Variants in SGPP1 observed in about 807,000 individuals in gnomAD.
The protein encoded by SGPP1 is sphingosine-1-phosphate phosphatase 1, also known as hSPP1.
A neutral mutation model predicts 33.0 loss-of-function variants in SGPP1; 21 were observed. The ratio of observed to expected loss-of-function variants is 0.64; its 90% CI spans 0.45 to 0.92. The LOEUF is 0.92. Ranked by LOEUF, SGPP1 falls within the 40% of genes least tolerant of loss-of-function variation. The pLI, the probability that SGPP1 is intolerant of heterozygous loss-of-function variation, is 0.00. For missense variants in SGPP1, 543 were observed against 589.4 expected (o/e 0.92, Z 0.81); for synonymous variants, 239 against 241.2 (o/e 0.99, Z 0.08).
chr14:63,695,865 T>C (rs1885177294), intron 2 of SGPP1, among the ~76,000 whole-genome samples: 2 of 152,208 alleles, frequency 1.3e-5, no homozygotes, highest in African/African-American at 4.8e-5. Flanking sequence ...GAGCTATGTT[T>C]GCACCATCAC....
chr14:63,691,066 T>C (rs1218368174), intron 2 of SGPP1, among the ~76,000 whole-genome samples: 3 of 152,242 alleles, frequency 2.0e-5, no homozygotes, highest in Non-Finnish European at 4.4e-5. Flanking sequence ...GTTTGGCTGA[T>C]AGTCTCCTAT....
rs544934010 is a variant in SGPP1 at position 63,693,437 on chromosome 14, T to C, written c.774+5132A>G. 1.2e-4 allele frequency among the ~76,000 whole-genome samples: 18 copies of C among 152,356 alleles called. No homozygotes were observed. The South Asian group carries it at 1.9e-3, about 16-fold the overall frequency. On this transcript the variant is annotated intron_variant, in intron 2 of 2. Coordinates refer to ENST00000247225, the MANE Select transcript of SGPP1 (RefSeq NM_030791.4). ...ATTTCATGAGTGATTTAGAATTTCA[T>C]GTTATATGCTAAAGTGTATATATTC...
intron 1 of SGPP1, among the ~76,000 whole-genome samples, chr14:63,718,003 T>C (rs974583769): frequency 6.6e-5 from 10 of 152,144 alleles, no homozygotes; most frequent in African/African-American, 9.7e-5. Context: ...CCCAACACTT[T>C]AGGAGGCTGA....
intron 1 of SGPP1, among the ~76,000 whole-genome samples, chr14:63,715,686 T>C (rs1885609662): frequency 1.3e-5 from 2 of 152,120 alleles, no homozygotes; most frequent in South Asian, 4.1e-4. Context: ...CCAAAGAGGC[T>C]GTAATTTGCA....
rs1884925678 is a variant in SGPP1 at position 63,684,257 on chromosome 14, A to G, written c.*1848T>C. 6.6e-6 allele frequency: 1 copy of G among 152,170 alleles called. No homozygotes were observed. The highest frequency in any genetic ancestry group is 1.9e-4 in the East Asian group (1 of 5,202). The allele number at this position is 152,170 out of a possible 1,614,324, so 9.4% of individuals were successfully genotyped here. On this transcript the variant is annotated 3_prime_UTR_variant, in exon 3 of 3. Transcript: ENST00000247225. ...GCTTTTATTTTAAAATACATTTAGC[A>G]TAGAACTGTCATAGGACAGAAAATA... is the stretch of plus-strand genomic sequence containing the variant.
Position 63,708,515 on chromosome 14 carries a change from C to T in SGPP1, c.685-9857G>A, listed in dbSNP as rs8006915. 7.5e-3 allele frequency among the ~76,000 whole-genome samples: 1,134 copies of T among 151,856 alleles called. 13 individuals are homozygous for T. Among genetic ancestry groups the T allele is most frequent in the African/African-American group, 0.026 (1,085 of 41,390 alleles). ...CTAACCTCAGATGATCTGCTAGCCTCGGCCTCTCAAAGTGCTGGGATTACA... is the reference window on the plus strand; with the variant it reads ...CTAACCTCAGATGATCTGCTAGCCTTGGCCTCTCAAAGTGCTGGGATTACA... On this transcript the variant is annotated intron_variant, in intron 1 of 2. Transcript: ENST00000247225.
intron 1 of SGPP1, 62 bp from the exon 2 acceptor site, chr14:63,698,720 A>G: frequency 1.1e-6 from 1 of 926,218 alleles, no homozygotes; most frequent in Admixed American, 2.9e-5. Context: ...ACAAACAAAT[A>G]AAAGACAAAT....
chr14:63,693,888 G>A (rs545203267), intron 2 of SGPP1, among the ~76,000 whole-genome samples: 49 of 152,316 alleles, frequency 3.2e-4, no homozygotes, highest in African/African-American at 1.2e-3. Context: ...GTGGGCTGCT[G>A]TGCCCAGCCA....
chr14:63,696,283 A>G (rs1004872323), intron 2 of SGPP1, among the ~76,000 whole-genome samples: 1 of 152,222 alleles, frequency 6.6e-6, no homozygotes. Context: ...TCAAAAACAA[A>G]CAAGCAAGCA....
chr14:63,700,023 C>T (rs556902990), intron 1 of SGPP1, among the ~76,000 whole-genome samples: 1 of 151,790 alleles, frequency 6.6e-6, no homozygotes, highest in African/African-American at 2.4e-5. Context: ...TGTGCGGCAG[C>T]ATAATCATGG....
rs906477442 is a variant in SGPP1 at position 63,685,905 on chromosome 14, A to C, written c.*200T>G. On this transcript the variant is annotated 3_prime_UTR_variant, in exon 3 of 3. Transcript: ENST00000247225. Reference sequence around the variant, plus strand: ...CTAAATGGATACTTATCATTTTCTCAGTAACGAAATAGCTCAGCTCACCTA... The same window carrying C: ...CTAAATGGATACTTATCATTTTCTCCGTAACGAAATAGCTCAGCTCACCTA... 2.7e-6 allele frequency: 1 copy of C among 374,746 alleles called. No homozygotes were observed. Among genetic ancestry groups the C allele is most frequent in the African/African-American group, 2.2e-5 (1 of 45,930 alleles). 23.2% of individuals were successfully genotyped at this position (374,746 alleles called of 1,614,324 possible).
intron 1 of SGPP1, among the ~76,000 whole-genome samples, chr14:63,705,226 A>G (rs1885384497): frequency 6.7e-6 from 1 of 149,214 alleles, no homozygotes. Flanking sequence ...AAGTATTTGC[A>G]AATGATATAT....
At chr14:63,693,909 T>C (rs1186927418) in intron 2 of SGPP1, among the ~76,000 whole-genome samples, 1 of 152,238 alleles carries the variant, frequency 6.6e-6, no homozygotes, top group Admixed American at 6.5e-5. Context: ...GGTATTTTTT[T>C]AAATTATGTA....
rs964213863 is a variant in SGPP1 at position 63,712,611 on chromosome 14, G to A, written c.685-13953C>T. On this transcript the variant is annotated intron_variant, in intron 1 of 2. Transcript: ENST00000247225. ...TTTATAAAAATAAAACTATGAGTGA[G>A]GCAGACATGTGCGTATGAAAACAGA... Among the ~76,000 whole-genome samples, 15 of 152,158 alleles carry A rather than the reference G, an allele frequency of 9.9e-5. 1 individual carries two copies. The highest frequency in any genetic ancestry group is 7.9e-4 in the Admixed American group (12 of 15,276).
At chr14:63,724,557 G>A (rs892088016) in intron 1 of SGPP1, among the ~76,000 whole-genome samples, 5 of 145,914 alleles carry the variant, frequency 3.4e-5, no homozygotes, top group African/African-American at 1.3e-4. Context: ...CAGAGTAGAG[G>A]ACCCAAACAG....
intron 1 of SGPP1, among the ~76,000 whole-genome samples, chr14:63,703,426 G>A (rs2139640331): frequency 6.6e-6 from 1 of 152,132 alleles, no homozygotes; most frequent in East Asian, 1.9e-4. Context: ...AAGCTGAGGT[G>A]GGCGGATCAC....
intron 1 of SGPP1, among the ~76,000 whole-genome samples, chr14:63,713,240 T>C (rs188154876): frequency 6.6e-6 from 1 of 152,344 alleles, no homozygotes; most frequent in African/African-American, 2.4e-5. Context: ...TGACCCACTT[T>C]CATTATTTGC....
At chr14:63,700,422 T>C (rs1418857148) in intron 1 of SGPP1, among the ~76,000 whole-genome samples, 1 of 152,160 alleles carries the variant, frequency 6.6e-6, no homozygotes, top group Non-Finnish European at 1.5e-5. Context: ...AACCAAGTAA[T>C]CCAAATGAGA....
intron 1 of SGPP1, among the ~76,000 whole-genome samples, chr14:63,723,390 T>C (rs1053397137): frequency 1.3e-5 from 2 of 152,182 alleles, no homozygotes; most frequent in Admixed American, 6.5e-5. Flanking sequence ...CTTGGAGCTA[T>C]ACTATTCCAA....
Sources: allele counts gnomAD v4.1 joint callset (sites outside exome capture counted in the v4.1 genomes callset), GRCh38; gene constraint gnomAD v4.1.1; transcripts MANE v1.5; gene names NCBI Gene and HGNC (gene_info 2026-07-23, HGNC 2026-07-21).